The following OPCML variants were observed in gnomAD, a reference collection of about 807,000 sequenced individuals.
OPCML encodes the protein opioid-binding protein/cell adhesion molecule.
Under a neutral mutation model 37.8 loss-of-function variants are expected in OPCML, and 13 were observed. That is an observed-to-expected ratio of 0.34 (90% CI 0.22 to 0.55). The LOEUF (loss-of-function observed/expected upper bound fraction) is 0.55, where lower values mean the gene tolerates loss of function less well. Among genes scored for constraint, OPCML ranks in the 20% least tolerant of loss-of-function variants. The pLI is 0.91. For synonymous variants in OPCML, 176 were observed against 168.8 expected (o/e 1.04, Z -0.33); for missense variants, 341 against 435.6 (o/e 0.78, Z 1.93).
At chr11:133,459,857 T>G (rs1214503386) in intron 1 of OPCML, among the ~76,000 whole-genome samples, 1 of 151,964 alleles carries the variant, frequency 6.6e-6, no homozygotes, top group Non-Finnish European at 1.5e-5. Flanking sequence ...TTGAGCAACA[T>G]TATAACCAAC....
chr11:133,117,690 G>T, intron 1 of OPCML: 2 of 665,104 alleles, frequency 3.0e-6, no homozygotes, highest in Non-Finnish European at 3.7e-6. Context: ...TGACCAGTTT[G>T]GTAATCACTC....
At chr11:132,445,666 C>T (rs1476767298) in intron 4 of OPCML, among the ~76,000 whole-genome samples, 1 of 152,124 alleles carries the variant, frequency 6.6e-6, no homozygotes, top group Non-Finnish European at 1.5e-5. Flanking sequence ...GGTGAGGGGT[C>T]CCAGCACCAG....
At chr11:133,229,131 G>C (rs1940165918) in intron 1 of OPCML, among the ~76,000 whole-genome samples, 1 of 152,172 alleles carries the variant, frequency 6.6e-6, no homozygotes, top group Non-Finnish European at 1.5e-5. Flanking sequence ...GAGCCAGCTG[G>C]GCCTGTTTAA....
At chr11:132,447,453 A>G (rs549513017) in intron 4 of OPCML, among the ~76,000 whole-genome samples, 18 of 148,330 alleles carry the variant, frequency 1.2e-4, no homozygotes, top group Non-Finnish European at 1.8e-4. Flanking sequence ...TGCATGCACC[A>G]TGCCCAGTTA....
Position 132,959,157 on chromosome 11 carries a change from G to C in OPCML, c.62-16147C>G, listed in dbSNP as rs186119092. ...TATCCACATTAACAGGAGCTTAGAA[G>C]ACGTTGATTCCAAGCCTCATGGATG... On this transcript the variant is annotated intron_variant, in intron 1 of 7. Coordinates refer to ENST00000524381, the MANE Select transcript of OPCML (RefSeq NM_001012393.5). Among the ~76,000 whole-genome samples, 514 of 152,328 alleles carry C rather than the reference G, an allele frequency of 3.4e-3. 1 individual carries two copies. Among genetic ancestry groups the C allele is most frequent in the African/African-American group, 0.012 (495 of 41,572 alleles).
rs182936656 is a variant in OPCML at position 133,046,079 on chromosome 11, G to A, written c.62-103069C>T. 7.9e-5 allele frequency among the ~76,000 whole-genome samples: 12 copies of A among 152,236 alleles called. No homozygotes were observed. The East Asian group carries it at 1.7e-3, about 22-fold the overall frequency. On this transcript the variant is annotated intron_variant, in intron 1 of 7. Coordinates refer to ENST00000524381, the MANE Select transcript of OPCML (RefSeq NM_001012393.5). Reference sequence around the variant, plus strand: ...AAGCTGAGGTTTCTGCCTTTGCCTCGCTCTGGAGACACCAGCCCGAGATTC... The same window carrying A: ...AAGCTGAGGTTTCTGCCTTTGCCTCACTCTGGAGACACCAGCCCGAGATTC...
At chr11:133,067,337 C>T (rs1028134152) in intron 1 of OPCML, 1 of 152,182 alleles carries the variant, frequency 6.6e-6, no homozygotes. Context: ...CAGGCTCCTC[C>T]CACTGCCAAT....
chr11:132,577,944 A>G (rs2096454416), intron 3 of OPCML, among the ~76,000 whole-genome samples: 1 of 152,200 alleles, frequency 6.6e-6, no homozygotes, highest in South Asian at 2.1e-4. Flanking sequence ...ACCAGTACAT[A>G]ACAGGTGATA....
chr11:132,542,458 C>A (rs1210871531), intron 3 of OPCML, among the ~76,000 whole-genome samples: 1 of 152,170 alleles, frequency 6.6e-6, no homozygotes, highest in Non-Finnish European at 1.5e-5. Flanking sequence ...TAGAACCCTG[C>A]ATAGCACCCA....
rs1294136925 is a variant in OPCML at position 133,337,506 on chromosome 11, T to C, written c.61+194758A>G. Among the ~76,000 whole-genome samples the C allele has an allele frequency of 2.6e-5, 4 of 152,288 alleles. 1 individual carries two copies. The highest frequency in any genetic ancestry group is 6.8e-3 in the Middle Eastern group (2 of 294). ...TCAGGTGGCCTCAGCTCTTGCCCCT[T>C]TTTGTGGATTTCTGAGCTATCTGGG... On this transcript the variant is annotated intron_variant, in intron 1 of 7. Transcript: ENST00000524381.
At chr11:132,423,914 G>T (rs2095968686) in intron 7 of OPCML, among the ~76,000 whole-genome samples, 1 of 152,138 alleles carries the variant, frequency 6.6e-6, no homozygotes, top group Non-Finnish European at 1.5e-5. Flanking sequence ...TGCATACATG[G>T]CTTCAGAGTC....
At chr11:132,548,785 A>G (rs1009153805) in intron 3 of OPCML, among the ~76,000 whole-genome samples, 1 of 152,196 alleles carries the variant, frequency 6.6e-6, no homozygotes, top group Non-Finnish European at 1.5e-5. Context: ...CCTCCTTGAC[A>G]TATCTGTAAC....
intron 1 of OPCML, among the ~76,000 whole-genome samples, chr11:133,258,175 C>A (rs1941378025): frequency 6.6e-6 from 1 of 152,148 alleles, no homozygotes; most frequent in Admixed American, 6.5e-5. Flanking sequence ...GCACCAAGGG[C>A]AAAGATGAGG....
intron 1 of OPCML, among the ~76,000 whole-genome samples, chr11:133,321,223 C>T (rs1565570586): frequency 6.6e-6 from 1 of 152,136 alleles, no homozygotes; most frequent in Admixed American, 6.5e-5. Flanking sequence ...TAGTTACTCT[C>T]CAGCTTCTGG....
chr11:133,468,460 A>C (rs867670476), intron 1 of OPCML, among the ~76,000 whole-genome samples: 2 of 152,224 alleles, frequency 1.3e-5, no homozygotes, highest in Middle Eastern at 3.2e-3. Context: ...GGCAGCCAGG[A>C]GGCACAAGCA....
chr11:132,435,859 G>A (rs938235559), intron 7 of OPCML, among the ~76,000 whole-genome samples: 1 of 152,212 alleles, frequency 6.6e-6, no homozygotes, highest in Admixed American at 6.5e-5. Context: ...TACTGCTATT[G>A]TAAGGGCAAA....
intron 2 of OPCML, among the ~76,000 whole-genome samples, chr11:132,718,711 G>C (rs536085934): frequency 1.3e-5 from 2 of 152,294 alleles, no homozygotes; most frequent in Admixed American, 6.5e-5. Flanking sequence ...TCACTGCACA[G>C]GGAAGCACAC....
chr11:132,604,145 A>G (rs988562569), intron 3 of OPCML, among the ~76,000 whole-genome samples: 6 of 152,298 alleles, frequency 3.9e-5, no homozygotes, highest in Admixed American at 3.9e-4. Context: ...GATGAGCAAG[A>G]GCTCATGTGT....
intron 2 of OPCML, among the ~76,000 whole-genome samples, chr11:132,659,169 T>G (rs1238016257): frequency 6.6e-6 from 1 of 152,228 alleles, no homozygotes; most frequent in Non-Finnish European, 1.5e-5. Context: ...GCATCTTGCT[T>G]CTTTTCCTGT....
Sources: allele counts gnomAD v4.1 joint callset (sites outside exome capture counted in the v4.1 genomes callset), GRCh38; gene constraint gnomAD v4.1.1; transcripts MANE v1.5; gene names NCBI Gene and HGNC (gene_info 2026-07-23, HGNC 2026-07-21).